The following MSH3 variants were observed in gnomAD, a reference collection of about 807,000 sequenced individuals.
The protein encoded by MSH3 is mutS homolog 3.
In MSH3, 106 loss-of-function variants were observed where a neutral mutation model predicts 123.3. The observed-to-expected ratio is 0.86, with a 90% CI of 0.73 to 1.01. The LOEUF is 1.01. MSH3 is among the 50% of genes least tolerant of loss of function. The pLI is 0.00. For synonymous variants in MSH3, 515 were observed against 481.4 expected (o/e 1.07, Z -0.91); for missense variants, 1,459 against 1,347.6 (o/e 1.08, Z -1.29).
intron 8 of MSH3, among the ~76,000 whole-genome samples, chr5:80,694,795 ACTTC>A (rs1436641927): frequency 1.3e-5 from 2 of 151,748 alleles, no homozygotes; most frequent in Admixed American, 6.6e-5. Context: ...ATATTTTGCC[ACTTC>A]CTTCTAACCT....
At chr5:80,817,449 AAGAC>A (rs1199586203) in intron 20 of MSH3, among the ~76,000 whole-genome samples, 1 of 152,178 alleles carries the variant, frequency 6.6e-6, no homozygotes, top group African/African-American at 2.4e-5. Context: ...GGCCAGGAAG[AAGAC>A]AGGAGAGATC....
At position 80,654,703 on chromosome 5, in the gene MSH3, G is replaced by C; in HGVS notation, c.-25G>C. ...CTCGCGCTCCTCGCCAGGCCCTGCC[G>C]CCGGGCTGCCATCCTTGCCCTGCCA... is the stretch of plus-strand genomic sequence containing the variant. On this transcript the variant is annotated 5_prime_UTR_variant, in exon 1 of 24. Coordinates refer to ENST00000265081, the MANE Select transcript of MSH3 (RefSeq NM_002439.5). 6.3e-7 allele frequency: 1 copy of C among 1,578,576 alleles called. No individual in the cohort carries two copies. Among genetic ancestry groups the C allele is most frequent in the Non-Finnish European group, 8.6e-7 (1 of 1,165,470 alleles).
chr5:80,741,318 A>C, intron 10 of MSH3, 146 bp from the exon 11 acceptor site: 1 of 661,834 alleles, frequency 1.5e-6, no homozygotes, highest in East Asian at 2.7e-5. Flanking sequence ...CAGCCTGATG[A>C]ATTTTCATTT....
At chr5:80,860,027 A>C (rs1745988821) in intron 21 of MSH3, among the ~76,000 whole-genome samples, 1 of 152,130 alleles carries the variant, frequency 6.6e-6, no homozygotes, top group Non-Finnish European at 1.5e-5. Context: ...CGTATTTTTT[A>C]ATAACAAAAT....
chr5:80,672,923 T>A, intron 6 of MSH3, 65 bp downstream of exon 6: 1 of 1,252,340 alleles, frequency 8.0e-7, no homozygotes, highest in Non-Finnish European at 1.2e-6. Flanking sequence ...AGGTTTTGTT[T>A]GTTTGTTTGT....
At chr5:80,823,279 C>A (rs1181082102) in intron 20 of MSH3, among the ~76,000 whole-genome samples, 1 of 152,166 alleles carries the variant, frequency 6.6e-6, no homozygotes, top group East Asian at 1.9e-4. Flanking sequence ...AACCTCCTCA[C>A]CCTCACAAAC....
Position 80,769,126 on chromosome 5 carries a change from T to A in MSH3, c.2253+123T>A. 4 of 857,252 alleles carry A rather than the reference T, an allele frequency of 4.7e-6. 1 individual carries two copies. In the South Asian group the frequency reaches 5.0e-5, roughly 11 times the overall value. 53.1% of individuals were successfully genotyped at this position (857,252 alleles called of 1,614,324 possible). A position where few individuals can be genotyped will look rare whatever the true frequency, so the allele number is the denominator to read the frequency against. On this transcript the variant is annotated intron_variant, in intron 15 of 23. Coordinates refer to ENST00000265081, the MANE Select transcript of MSH3 (RefSeq NM_002439.5). ...CTTTTCAAATTTTCTGTTTTATTCC[T>A]TGGAAATATGTTGTAATAACTTGTT...
At chr5:80,775,614 G>T (rs940989537) in intron 15 of MSH3, 80 bp from the exon 16 acceptor site, 54 of 816,152 alleles carry the variant, frequency 6.6e-5, no homozygotes, top group Middle Eastern at 3.1e-4. Context: ...ATAATAAATT[G>T]TTATACCACA....
At chr5:80,866,914 G>A (rs1580099995) in intron 22 of MSH3, among the ~76,000 whole-genome samples, 1 of 152,024 alleles carries the variant, frequency 6.6e-6, no homozygotes, top group African/African-American at 2.4e-5. Flanking sequence ...GAATCTTCCT[G>A]TACCCTCAGA....
chr5:80,788,750 C>T (rs538538021), intron 18 of MSH3, among the ~76,000 whole-genome samples: 10 of 151,118 alleles, frequency 6.6e-5, no homozygotes, highest in African/African-American at 2.4e-4. Flanking sequence ...CTGCAGTGAG[C>T]CATGATAGTG....
rs561293018 is a variant in MSH3 at position 80,863,393 on chromosome 5, G to A, written c.3001-1420G>A. On this transcript the variant is annotated intron_variant, in intron 21 of 23. Transcript: ENST00000265081. ...ATTTAAGAAATACATTGGTTTGGCC[G>A]GGTGCAGTGGCTCACACCTGTAATC... Among the ~76,000 whole-genome samples, 11 of 152,210 alleles carry A rather than the reference G, an allele frequency of 7.2e-5. 1 individual carries two copies. In the South Asian group the frequency reaches 8.3e-4, roughly 11 times the overall value.
intron 20 of MSH3, among the ~76,000 whole-genome samples, chr5:80,829,448 G>A (rs1350072036): frequency 6.6e-6 from 1 of 152,072 alleles, no homozygotes; most frequent in Non-Finnish European, 1.5e-5. Flanking sequence ...ATCATGAATG[G>A]GTGTCGGATT....
At position 80,654,968 on chromosome 5, in the gene MSH3, G is replaced by C. The variant is rs1466149546; in HGVS notation, c.237+4G>C. 1.4e-6 allele frequency: 2 copies of C among 1,459,686 alleles called. No individual in the cohort carries two copies. Among genetic ancestry groups the C allele is most frequent in the South Asian group, 2.7e-5 (2 of 75,378 alleles). The allele number at this position is 1,459,686 out of a possible 1,614,324, so 90.4% of individuals were successfully genotyped here. A position where few individuals can be genotyped will look rare whatever the true frequency, so the allele number is the denominator to read the frequency against. On this transcript the variant is annotated splice_donor_region_variant and intron_variant, in intron 1 of 23. Coordinates refer to ENST00000265081, the MANE Select transcript of MSH3 (RefSeq NM_002439.5). The stretch of plus-strand genomic sequence containing the variant: ...GCCCCAGCTGCCGCCGCACATAGTA[G>C]GTTCTGTCTGGGACTGGGCAGGGCC...
In MSH3 at chr5:80,725,573, T is replaced by C; in HGVS notation, c.1453+8T>C. On this transcript the variant is annotated splice_region_variant and intron_variant, in intron 9 of 23. Transcript: ENST00000265081. ...ATACAGTTGACATCAAAGGTAAATA[T>C]TTTCCCTGTATGTCCTCAAGTTGAA... 5 of 1,588,950 alleles carry C rather than the reference T, an allele frequency of 3.1e-6. No homozygotes were observed. The highest frequency in any genetic ancestry group is 4.5e-5 in the East Asian group (2 of 44,682).
At chr5:80,826,622 C>T (rs1745315552) in intron 20 of MSH3, among the ~76,000 whole-genome samples, 1 of 150,050 alleles carries the variant, frequency 6.7e-6, no homozygotes, top group South Asian at 2.1e-4. Context: ...AATCTTGGCT[C>T]ACTGCAACCT....
In MSH3 at chr5:80,775,761, AG is replaced by A. The variant is rs779491624; in HGVS notation, c.2318+5del. Reference sequence around the variant, plus strand: ...ACTGATTGGGTAAAGGTTGGAAGGTAGGTTTAAAATAAATTTTTTTCTTACA... The same window carrying A: ...ACTGATTGGGTAAAGGTTGGAAGGTAGTTTAAAATAAATTTTTTTCTTACA... On this transcript the variant is annotated splice_donor_region_variant and intron_variant, in intron 16 of 23. Coordinates refer to ENST00000265081, the MANE Select transcript of MSH3 (RefSeq NM_002439.5). The A allele has an allele frequency of 1.9e-6, 3 of 1,569,922 alleles. No homozygotes were observed. Among genetic ancestry groups the A allele is most frequent in the Admixed American group, 3.3e-5 (2 of 59,908 alleles).
At chr5:80,844,994 G>T (rs1479085282) in intron 20 of MSH3, among the ~76,000 whole-genome samples, 1 of 152,108 alleles carries the variant, frequency 6.6e-6, no homozygotes, top group African/African-American at 2.4e-5. Context: ...TCTTCATAGC[G>T]TCAATGGTCT....
At chr5:80,741,619 GT>G in intron 11 of MSH3, 71 bp downstream of exon 11, 1 of 1,024,258 alleles carries the variant, frequency 9.8e-7, no homozygotes, top group Non-Finnish European at 1.6e-6. Context: ...GCAGCAGTCT[GT>G]TTTTAGAGGT....
At chr5:80,838,865 C>T (rs546773626) in intron 20 of MSH3, among the ~76,000 whole-genome samples, 20 of 152,212 alleles carry the variant, frequency 1.3e-4, no homozygotes, top group South Asian at 4.1e-4. Flanking sequence ...TTTTTAATTA[C>T]GACATTTATA....
Sources: allele counts gnomAD v4.1 joint callset (sites outside exome capture counted in the v4.1 genomes callset), GRCh38; gene constraint gnomAD v4.1.1; transcripts MANE v1.5; gene names NCBI Gene and HGNC (gene_info 2026-07-23, HGNC 2026-07-21).